Variants in MCPH1 observed in about 807,000 individuals in gnomAD.
The protein encoded by MCPH1 is microcephalin.
A neutral mutation model predicts 84.5 loss-of-function variants in MCPH1; 104 were observed. That is an observed-to-expected ratio of 1.23 (90% CI 1.05 to 1.45). The LOEUF (loss-of-function observed/expected upper bound fraction) is 1.45. MCPH1 is among the 40% of genes most tolerant of loss of function. The pLI is 0.00. For synonymous variants in MCPH1, 514 were observed against 366.8 expected (o/e 1.40, Z -4.58); for missense variants, 1,498 against 1,005.7 (o/e 1.49, Z -6.62).
chr8:6,437,955 C>A (rs1204085610), intron 5 of MCPH1, among the ~76,000 whole-genome samples: 1 of 152,126 alleles, frequency 6.6e-6, no homozygotes, highest in African/African-American at 2.4e-5. Flanking sequence ...AAACTTTAAA[C>A]CAGAAGGACA....
chr8:6,545,576 T>C (rs761928933), intron 12 of MCPH1, among the ~76,000 whole-genome samples: 1 of 152,206 alleles, frequency 6.6e-6, no homozygotes, highest in Non-Finnish European at 1.5e-5. Flanking sequence ...CTGATGAGGG[T>C]TAAAATGTAT....
intron 12 of MCPH1, among the ~76,000 whole-genome samples, chr8:6,575,681 A>G (rs893790563): frequency 1.3e-5 from 2 of 152,186 alleles, no homozygotes; most frequent in African/African-American, 4.8e-5. Context: ...GGGCCATTGC[A>G]GTTGTAATCA....
At chr8:6,432,230 A>G (rs1396615829) in intron 4 of MCPH1, among the ~76,000 whole-genome samples, 2 of 152,194 alleles carry the variant, frequency 1.3e-5, no homozygotes, top group Non-Finnish European at 2.9e-5. Context: ...TCAACCTCCC[A>G]ATTGGGATTA....
chr8:6,416,764 G>A (rs111671464), intron 3 of MCPH1, among the ~76,000 whole-genome samples: 1 of 151,994 alleles, frequency 6.6e-6, no homozygotes, highest in African/African-American at 2.4e-5. Context: ...GAGGCCGAGG[G>A]GGGTGGATCA....
At chr8:6,606,876 C>G (rs1023400788) in intron 12 of MCPH1, among the ~76,000 whole-genome samples, 3 of 152,220 alleles carry the variant, frequency 2.0e-5, no homozygotes, top group African/African-American at 7.2e-5. Flanking sequence ...AAGCTCTCTT[C>G]TCTTGTTTGC....
Position 6,568,917 on chromosome 8 carries a change from C to T in MCPH1, c.2215-52537C>T, listed in dbSNP as rs988821621. Among the ~76,000 whole-genome samples the T allele has an allele frequency of 3.9e-5, 6 of 152,132 alleles. No individual in the cohort carries two copies. In the East Asian group the frequency reaches 7.7e-4, roughly 20 times the overall value. ...CTTGTTGATGTATGAGGAACTTCCA[C>T]GGCTGAAACAGTCTAAAAAAATGAA... is the stretch of plus-strand genomic sequence containing the variant. On this transcript the variant is annotated intron_variant, in intron 12 of 13. Coordinates refer to ENST00000344683, the MANE Select transcript of MCPH1 (RefSeq NM_024596.5).
chr8:6,520,859 C>G (rs1817195944), intron 12 of MCPH1, among the ~76,000 whole-genome samples: 1 of 152,164 alleles, frequency 6.6e-6, no homozygotes, highest in African/African-American at 2.4e-5. Context: ...TTATTTTTCC[C>G]ATGTAAAACC....
intron 12 of MCPH1, chr8:6,514,915 C>G: frequency 1.6e-6 from 1 of 644,174 alleles, no homozygotes; most frequent in Non-Finnish European, 2.7e-6. Context: ...CGGAGTAGAC[C>G]ATCGGGGTTG....
intron 12 of MCPH1, among the ~76,000 whole-genome samples, chr8:6,506,986 C>T (rs892163386): frequency 1.3e-5 from 2 of 151,682 alleles, no homozygotes. Flanking sequence ...CAAACTCTGT[C>T]TCCCCGGTTC....
chr8:6,584,609 G>T (rs531710209), intron 12 of MCPH1, among the ~76,000 whole-genome samples: 1 of 152,064 alleles, frequency 6.6e-6, no homozygotes, highest in Non-Finnish European at 1.5e-5. Context: ...AGTTAAAAAG[G>T]CTTATCTATC....
At chr8:6,495,658 T>C (rs562900296) in intron 11 of MCPH1, among the ~76,000 whole-genome samples, 27 of 152,354 alleles carry the variant, frequency 1.8e-4, no homozygotes, top group Non-Finnish European at 2.8e-4. Flanking sequence ...ATAATGTGTT[T>C]CTACACCTTC....
chr8:6,581,907 C>T (rs62496901), intron 12 of MCPH1, among the ~76,000 whole-genome samples: 5,635 of 152,194 alleles, frequency 0.037, 158 homozygotes, highest in South Asian at 0.056. Context: ...TGAGGGAGCT[C>T]TCTGGGGTCC....
intron 13 of MCPH1, among the ~76,000 whole-genome samples, chr8:6,622,496 G>C (rs1222855008): frequency 6.6e-6 from 1 of 152,218 alleles, no homozygotes; most frequent in East Asian, 1.9e-4. Context: ...ACAAGCCTAG[G>C]GCTCCACTGT....
chr8:6,603,184 A>G (rs1458480594), intron 12 of MCPH1, among the ~76,000 whole-genome samples: 2 of 152,148 alleles, frequency 1.3e-5, no homozygotes, highest in African/African-American at 2.4e-5. Context: ...GTATCCATCC[A>G]TGTCTCTGAG....
rs1289809517 is a variant in MCPH1, at chr8:6,480,763, A to G, written c.2023A>G (p.Ile675Val). The G allele has an allele frequency of 1.4e-5, 23 of 1,614,108 alleles. No homozygotes were observed. Among genetic ancestry groups the G allele is most frequent in the African/African-American group, 4.0e-5 (3 of 74,938 alleles). Residue 675 changes from isoleucine (I) to valine (V), a missense_variant, in exon 11 of 14, where the codon ATT becomes GTT. By Grantham distance (29) the Ile-to-Val change is conservative. Transcript: ENST00000344683. ...TGTGGATAAATTGAAAGGCTTTTCA[A>G]TTGCACCAGACGTCTGTGAGACCAC... ...QVVDKLKGFS[I>V]APDVCETTTH... is the part of the protein sequence containing the mutation.
intron 4 of MCPH1, among the ~76,000 whole-genome samples, chr8:6,433,975 G>T (rs1287703395): frequency 6.6e-6 from 1 of 152,028 alleles, no homozygotes; most frequent in Non-Finnish European, 1.5e-5. Context: ...CCTCTGTCTG[G>T]AACATTCTTC....
At chr8:6,476,097 G>C (rs920374064) in intron 9 of MCPH1, among the ~76,000 whole-genome samples, 1 of 152,114 alleles carries the variant, frequency 6.6e-6, no homozygotes, top group East Asian at 1.9e-4. Context: ...GTACAATACA[G>C]ACATACAAAC....
chr8:6,559,614 A>G (rs28637523), intron 12 of MCPH1, among the ~76,000 whole-genome samples: 3,941 of 152,288 alleles, frequency 0.026, 124 homozygotes, highest in African/African-American at 0.071. Flanking sequence ...GCAGTTGTTT[A>G]TAGGTATGAG....
intron 8 of MCPH1, chr8:6,446,128 T>C (rs1804331488): frequency 8.4e-6 from 8 of 954,200 alleles, no homozygotes; most frequent in Non-Finnish European, 1.0e-5. Context: ...CTTGTACTTA[T>C]TTTGCTTGAA....
Sources: allele counts gnomAD v4.1 joint callset (sites outside exome capture counted in the v4.1 genomes callset), GRCh38; gene constraint gnomAD v4.1.1; transcripts MANE v1.5; gene names NCBI Gene and HGNC (gene_info 2026-07-23, HGNC 2026-07-21).